PLCH1: variants seen among roughly 807,000 people sequenced by gnomAD.
PLCH1 encodes phospholipase C eta 1, also known as 1-phosphatidylinositol 4,5-bisphosphate phosphodiesterase eta-1.
A neutral mutation model predicts 126.7 loss-of-function variants in PLCH1; 60 were observed. The observed-to-expected ratio is 0.47, with a 90% CI of 0.38 to 0.59. The LOEUF (loss-of-function observed/expected upper bound fraction) is 0.59, where lower values mean the gene tolerates loss of function less well. PLCH1 is among the 20% of genes least tolerant of loss of function. The probability of loss-of-function intolerance (pLI) is 0.00; values close to 1 mark genes in which losing one functional copy is unlikely to be tolerated. For synonymous variants in PLCH1, 719 were observed against 734.9 expected (o/e 0.98, Z 0.35); for missense variants, 1,723 against 2,040.0 (o/e 0.84, Z 2.99).
chr3:155,537,336 G>GA (rs200638025), intron 10 of PLCH1, among the ~76,000 whole-genome samples: 28 of 139,084 alleles, frequency 2.0e-4, no homozygotes, highest in Admixed American at 8.0e-4. Flanking sequence ...ATACAATGAA[G>GA]AAAAAAAAAA....
intron 1 of PLCH1, chr3:155,743,088 G>C (rs572241742): frequency 3.6e-6 from 1 of 279,680 alleles, no homozygotes; most frequent in South Asian, 2.9e-5. Context: ...AAATATTGAT[G>C]CAGTTTAAGA....
At chr3:155,714,781 A>G (rs188998369) in intron 1 of PLCH1, among the ~76,000 whole-genome samples, 139 of 152,312 alleles carry the variant, frequency 9.1e-4, no homozygotes, top group Non-Finnish European at 1.6e-3. Context: ...TTTATGCATT[A>G]CTGGACTTGA....
At chr3:155,714,130 C>T (rs1227151771) in intron 1 of PLCH1, among the ~76,000 whole-genome samples, 1 of 152,180 alleles carries the variant, frequency 6.6e-6, no homozygotes, top group Non-Finnish European at 1.5e-5. Context: ...CGGCCTCTGA[C>T]ATAACGTATG....
chr3:155,632,390 A>T (rs993042015), intron 2 of PLCH1, among the ~76,000 whole-genome samples: 1 of 152,210 alleles, frequency 6.6e-6, no homozygotes, highest in South Asian at 2.1e-4. Flanking sequence ...AGGGAAACCA[A>T]ATCAAGTATC....
chr3:155,487,737 C>A (rs1715472145), intron 21 of PLCH1, among the ~76,000 whole-genome samples: 1 of 152,166 alleles, frequency 6.6e-6, no homozygotes, highest in African/African-American at 2.4e-5. Context: ...ACTATATCTT[C>A]ATTGTTTTAG....
chr3:155,522,119 G>T (rs1721179803), intron 11 of PLCH1, among the ~76,000 whole-genome samples: 1 of 121,564 alleles, frequency 8.2e-6, no homozygotes, highest in African/African-American at 3.2e-5. Context: ...AAATGAAATA[G>T]CTGAGTGAAT....
intron 21 of PLCH1, among the ~76,000 whole-genome samples, chr3:155,451,611 G>A (rs1712309372): frequency 6.6e-6 from 1 of 152,182 alleles, no homozygotes. Flanking sequence ...TGCAATGTGT[G>A]CGGGCCTCTT....
At chr3:155,637,709 C>T (rs558948119) in intron 2 of PLCH1, among the ~76,000 whole-genome samples, 14 of 152,212 alleles carry the variant, frequency 9.2e-5, no homozygotes, top group Admixed American at 9.2e-4. Context: ...AGGAAATGAC[C>T]TTAGCCACAA....
chr3:155,617,807 C>T (rs1735975661), intron 2 of PLCH1, among the ~76,000 whole-genome samples: 1 of 152,180 alleles, frequency 6.6e-6, no homozygotes, highest in African/African-American at 2.4e-5. Context: ...TCCTCACATA[C>T]CTTCTCTACC....
chr3:155,481,044 CA>C lies in PLCH1; in HGVS notation c.4981del (p.Cys1661ValfsTer23), dbSNP rs1215586825. 6.2e-7 allele frequency: 1 copy of C among 1,613,714 alleles called. No individual in the cohort carries two copies. The highest frequency in any genetic ancestry group is 1.1e-5 in the South Asian group (1 of 91,082). On this transcript the variant is annotated frameshift_variant, in exon 23 of 23. Transcript: ENST00000460012. LOFTEE classifies it high-confidence loss of function. This position sits in a 1 kb window ranked among gnomAD's most constrained non-coding sequence, Gnocchi z 4.2. ...ALHYGHVDQFCSDNSVLQTEP... is the reference protein window; with the variant it reads ...ALHYGHVDQFXSDNSVLQTEP... ...AGTCTGCAAAACAGAATTATCTGAA[CA>C]AAACTGGTCAACGTGGCCATAGTGA...
At chr3:155,451,542 G>T (rs569210409) in intron 21 of PLCH1, among the ~76,000 whole-genome samples, 5 of 152,234 alleles carry the variant, frequency 3.3e-5, no homozygotes, top group African/African-American at 1.2e-4. Context: ...TGTCTATGTG[G>T]GTATTTCTTG....
At chr3:155,722,993 C>A (rs1009248769) in intron 1 of PLCH1, among the ~76,000 whole-genome samples, 7 of 152,246 alleles carry the variant, frequency 4.6e-5, no homozygotes, top group Admixed American at 2.6e-4. Flanking sequence ...CCATTTCAAT[C>A]TTGCTATTTG....
intron 2 of PLCH1, among the ~76,000 whole-genome samples, chr3:155,641,154 G>A (rs1739351154): frequency 6.6e-6 from 1 of 150,764 alleles, no homozygotes; most frequent in African/African-American, 2.4e-5. Flanking sequence ...TATAGCCTCC[G>A]TGTCACCTGG....
chr3:155,473,705 A>G (rs1427531626), intron 21 of PLCH1, among the ~76,000 whole-genome samples: 1 of 151,940 alleles, frequency 6.6e-6, no homozygotes, highest in Non-Finnish European at 1.5e-5. Flanking sequence ...CCAAAACAGC[A>G]TGGTACTGGT....
In PLCH1 at chr3:155,480,703, T is replaced by G; in HGVS notation, c.*265A>C. ...CATTATAACCCGAGCTGCTGAGGAGTTTCACATCTAGGGCATGCACATATT... is the reference window on the plus strand; with the variant it reads ...CATTATAACCCGAGCTGCTGAGGAGGTTCACATCTAGGGCATGCACATATT... On this transcript the variant is annotated 3_prime_UTR_variant, in exon 23 of 23. Coordinates refer to ENST00000460012, the MANE Select transcript of PLCH1 (RefSeq NM_014996.4). 3 of 353,828 alleles carry G rather than the reference T, an allele frequency of 8.5e-6. No individual in the cohort carries two copies. The highest frequency in any genetic ancestry group is 1.0e-5 in the Non-Finnish European group (2 of 195,608). The allele number at this position is 353,828 out of a possible 1,614,324, so 21.9% of individuals were successfully genotyped here.
intron 1 of PLCH1, among the ~76,000 whole-genome samples, chr3:155,710,848 A>C (rs1747072750): frequency 6.6e-6 from 1 of 151,454 alleles, no homozygotes; most frequent in African/African-American, 2.4e-5. Flanking sequence ...AAAAAAAAAA[A>C]ACTAGTTTTA....
chr3:155,720,112 T>A (rs1201311680), intron 1 of PLCH1, among the ~76,000 whole-genome samples: 1 of 152,192 alleles, frequency 6.6e-6, no homozygotes, highest in Non-Finnish European at 1.5e-5. Context: ...CTTTATCCAC[T>A]CATTGATTGA....
intron 1 of PLCH1, among the ~76,000 whole-genome samples, chr3:155,707,953 C>G (rs1353786651): frequency 6.6e-6 from 1 of 152,156 alleles, no homozygotes; most frequent in African/African-American, 2.4e-5. Context: ...CATGCCACTG[C>G]CTTCATGAAA....
chr3:155,593,903 G>C (rs767061530), intron 4 of PLCH1, 38 bp downstream of exon 4: 2 of 1,604,592 alleles, frequency 1.2e-6, no homozygotes, highest in Non-Finnish European at 1.7e-6. Context: ...TACACAGAGA[G>C]CAAGAGAGAG....
Sources: gnomAD v4.1 joint callset for allele counts (sites outside exome capture counted in the v4.1 genomes callset) on GRCh38, gnomAD v4.1.1 for gene constraint, Gnocchi (gnomAD v3.1) non-coding constraint, MANE v1.5 for transcripts, NCBI Gene and HGNC (gene_info 2026-07-23, HGNC 2026-07-21) for gene names.